The following CFAP251 variants were observed in gnomAD, a reference collection of about 807,000 sequenced individuals.
CFAP251 encodes the protein cilia and flagella associated protein 251, also known as cilia- and flagella-associated protein 251.
A neutral mutation model predicts 126.7 loss-of-function variants in CFAP251; 93 were observed. The observed-to-expected ratio is 0.73, with a 90% CI of 0.62 to 0.87. The LOEUF is 0.87. Among genes scored for constraint, CFAP251 ranks in the 40% least tolerant of loss-of-function variants. CFAP251 has a pLI of 0.00. For synonymous variants in CFAP251, 503 were observed against 506.9 expected (o/e 0.99, Z 0.10); for missense variants, 1,287 against 1,389.2 (o/e 0.93, Z 1.17).
chr12:121,919,092 G>A (rs1286789158), intron 1 of CFAP251, among the ~76,000 whole-genome samples: 1 of 151,080 alleles, frequency 6.6e-6, no homozygotes, highest in Non-Finnish European at 1.5e-5. Context: ...TCACCTCTCA[G>A]AGCCTCAAAC....
At chr12:121,967,591 A>T (rs990140217) in intron 16 of CFAP251, among the ~76,000 whole-genome samples, 1 of 152,088 alleles carries the variant, frequency 6.6e-6, no homozygotes, top group African/African-American at 2.4e-5. Flanking sequence ...AGTCCCAGCT[A>T]CTCAGGAGGC....
chr12:121,995,109 T>C (rs1429547172), intron 19 of CFAP251, among the ~76,000 whole-genome samples: 1 of 152,230 alleles, frequency 6.6e-6, no homozygotes, highest in East Asian at 1.9e-4. Flanking sequence ...TATTCCCTGC[T>C]TTTTCAAGAT....
intron 19 of CFAP251, among the ~76,000 whole-genome samples, chr12:121,995,427 AC>A (rs1883000513): frequency 6.6e-6 from 1 of 152,232 alleles, no homozygotes; most frequent in Non-Finnish European, 1.5e-5. Flanking sequence ...ATTTACAGCT[AC>A]TTTTATAATA....
chr12:121,933,925 C>T (rs181839096), intron 4 of CFAP251, among the ~76,000 whole-genome samples: 15 of 152,232 alleles, frequency 9.9e-5, no homozygotes, highest in Admixed American at 7.9e-4. Context: ...AGGCCGGCAG[C>T]GTGACTCAGA....
intron 3 of CFAP251, among the ~76,000 whole-genome samples, chr12:121,924,452 GAC>G (rs1880326168): frequency 1.4e-5 from 1 of 73,764 alleles, no homozygotes; most frequent in Non-Finnish European, 2.4e-5. Context: ...TTTTTTTGGA[GAC>G]ACAGTTTCAC....
At chr12:121,975,182 C>A in intron 17 of CFAP251, 62 bp from the exon 18 acceptor site, 1 of 1,442,204 alleles carries the variant, frequency 6.9e-7, no homozygotes, top group Non-Finnish European at 9.7e-7. Flanking sequence ...GTGCGGACCA[C>A]CTTCTGAGCC....
At chr12:121,962,264 T>A in intron 15 of CFAP251, 102 bp downstream of exon 15, 2 of 1,067,916 alleles carry the variant, frequency 1.9e-6, no homozygotes, top group Non-Finnish European at 2.7e-6. Flanking sequence ...GCTTGGCTAC[T>A]ATTATCATCC....
chr12:121,953,922 A>C (rs964272795), intron 9 of CFAP251, 198 bp from the exon 10 acceptor site: 1 of 593,940 alleles, frequency 1.7e-6, no homozygotes, highest in Non-Finnish European at 3.0e-6. Flanking sequence ...ATAACCCTTC[A>C]CTTGCTCTTA....
chr12:121,955,006 C>T (rs1040206239), intron 10 of CFAP251, among the ~76,000 whole-genome samples: 9 of 152,104 alleles, frequency 5.9e-5, no homozygotes, highest in African/African-American at 2.2e-4. Flanking sequence ...TGTCTGATTA[C>T]AAGATAACAT....
At chr12:121,968,969 A>T (rs1482745100) in intron 17 of CFAP251, 1 of 985,278 alleles carries the variant, frequency 1.0e-6, no homozygotes, top group Non-Finnish European at 1.2e-6. Flanking sequence ...CAAATCCGGC[A>T]TGCTGCCGCA....
chr12:121,953,936 A>G (rs1565911080), intron 9 of CFAP251, 184 bp from the exon 10 acceptor site: 1 of 620,870 alleles, frequency 1.6e-6, no homozygotes, highest in African/African-American at 1.8e-5. Context: ...GCTCTTAGCA[A>G]ACTTCCAGAG....
intron 14 of CFAP251, among the ~76,000 whole-genome samples, chr12:121,961,621 GC>G (rs1277218261): frequency 6.6e-6 from 1 of 152,184 alleles, no homozygotes; most frequent in Non-Finnish European, 1.5e-5. Context: ...TTTTTACTCT[GC>G]CACTTTTTAG....
intron 4 of CFAP251, 197 bp downstream of exon 4, chr12:121,932,083 C>T (rs1437745075): frequency 2.4e-6 from 1 of 422,720 alleles, no homozygotes; most frequent in Non-Finnish European, 3.9e-6. Context: ...AATCAACTTA[C>T]AAAACAGCAG....
Position 121,989,738 on chromosome 12 carries a change from C to T in CFAP251, c.3007-9978C>T, listed in dbSNP as rs1239509543. On this transcript the variant is annotated intron_variant, in intron 19 of 21. Transcript: ENST00000288912. The surrounding 1 kb of genome is among the most constrained non-coding windows in gnomAD (Gnocchi z 4.2). ...GGCGTGGGGAAGAGGGTGAGTGCTC[C>T]CAGTCCTACTGGTCCATGAAACCAT... Among the ~76,000 whole-genome samples the T allele has an allele frequency of 1.3e-5, 2 of 152,022 alleles. No homozygotes were observed. The highest frequency in any genetic ancestry group is 2.9e-5 in the Non-Finnish European group (2 of 67,990).
intron 3 of CFAP251, among the ~76,000 whole-genome samples, chr12:121,926,300 C>G (rs893606658): frequency 2.0e-5 from 3 of 151,470 alleles, no homozygotes; most frequent in Non-Finnish European, 4.4e-5. Context: ...CTTTCTTTTT[C>G]TTTCTCTCTT....
At chr12:121,972,033 C>T (rs1592996053) in intron 17 of CFAP251, 1 of 223,838 alleles carries the variant, frequency 4.5e-6, no homozygotes, top group Non-Finnish European at 8.9e-6. Context: ...TCCCCAGCCA[C>T]ATGAAACTGT....
chr12:121,935,728 G>T (rs966785595), intron 5 of CFAP251, among the ~76,000 whole-genome samples: 18 of 152,296 alleles, frequency 1.2e-4, no homozygotes, highest in African/African-American at 4.1e-4. Context: ...CTTCGATCAA[G>T]CGTCAGATAA....
intron 3 of CFAP251, among the ~76,000 whole-genome samples, chr12:121,930,022 G>A (rs533118527): frequency 7.9e-5 from 12 of 152,010 alleles, no homozygotes; most frequent in South Asian, 2.1e-4. Context: ...TTTCTAGAAA[G>A]TCATAGTTGG....
At chr12:121,980,911 C>T (rs7134075) in intron 19 of CFAP251, among the ~76,000 whole-genome samples, 220 of 152,314 alleles carry the variant, frequency 1.4e-3, no homozygotes, top group African/African-American at 4.9e-3. Flanking sequence ...GCCATCCCAG[C>T]GGTGGTCTGA....
Sources: gnomAD v4.1 joint callset for allele counts (sites outside exome capture counted in the v4.1 genomes callset) on GRCh38, gnomAD v4.1.1 for gene constraint, Gnocchi (gnomAD v3.1) non-coding constraint, MANE v1.5 for transcripts, NCBI Gene and HGNC (gene_info 2026-07-23, HGNC 2026-07-21) for gene names.